The following TNS3 variants were observed in gnomAD, a reference collection of about 807,000 sequenced individuals.
TNS3 encodes the protein tensin 3, also known as tensin-3.
In TNS3, 45 loss-of-function variants were observed where a neutral mutation model predicts 140.9. The observed-to-expected ratio is 0.32, with a 90% CI of 0.25 to 0.41. The LOEUF (loss-of-function observed/expected upper bound fraction) is 0.41. TNS3 is among the 10% of genes least tolerant of loss of function. The pLI is 1.00. For missense variants in TNS3, 1,716 were observed against 1,906.7 expected, an observed-to-expected ratio of 0.90 and a Z score of 1.86; for synonymous variants, 815 against 788.4, an observed-to-expected ratio of 1.03 and a Z score of -0.56.
intron 3 of TNS3, among the ~76,000 whole-genome samples, chr7:47,498,874 C>T (rs1798111238): frequency 6.6e-6 from 1 of 152,206 alleles, no homozygotes; most frequent in South Asian, 2.1e-4. Flanking sequence ...CATAAAGCCC[C>T]GCAGATGCCG....
chr7:47,578,694 T>G (rs944292788), intron 1 of TNS3, among the ~76,000 whole-genome samples: 3 of 152,196 alleles, frequency 2.0e-5, no homozygotes, highest in Non-Finnish European at 4.4e-5. Context: ...CATCCCACAT[T>G]GCAGTGATGG....
chr7:47,563,695 C>G (rs1299289540), intron 1 of TNS3, among the ~76,000 whole-genome samples: 3 of 152,220 alleles, frequency 2.0e-5, no homozygotes, highest in Non-Finnish European at 4.4e-5. Flanking sequence ...GGCCACTGAG[C>G]AGGGAGGACA....
intron 16 of TNS3, among the ~76,000 whole-genome samples, chr7:47,385,761 A>G (rs1300248977): frequency 6.6e-6 from 1 of 152,132 alleles, no homozygotes; most frequent in South Asian, 2.1e-4. Flanking sequence ...CATAGTGCCC[A>G]TCACTCGGTG....
chr7:47,494,161 T>C, intron 3 of TNS3, among the ~76,000 whole-genome samples: 1 of 152,200 alleles, frequency 6.6e-6, no homozygotes, highest in Non-Finnish European at 1.5e-5. Context: ...CTCTGCCCAG[T>C]GTCTCAAATT....
At chr7:47,533,123 A>ATATATTTT (rs1186427934) in intron 1 of TNS3, among the ~76,000 whole-genome samples, 1 of 88,818 alleles carries the variant, frequency 1.1e-5, no homozygotes, top group African/African-American at 6.2e-5. Context: ...ATATATATAT[A>ATATATTTT]TTTTTTTTTT....
chr7:47,446,632 G>A (rs943914168), intron 4 of TNS3, among the ~76,000 whole-genome samples: 3 of 148,966 alleles, frequency 2.0e-5, no homozygotes, highest in Admixed American at 6.8e-5. Flanking sequence ...AGAATCTGTG[G>A]TTAAGGTTAA....
intron 23 of TNS3, among the ~76,000 whole-genome samples, chr7:47,300,837 C>T (rs536639829): frequency 7.9e-5 from 12 of 152,304 alleles, no homozygotes; most frequent in African/African-American, 2.4e-4. Context: ...AGCATCCGGC[C>T]GCAGAGAGGC....
chr7:47,451,729 C>T (rs1177715339), intron 4 of TNS3, among the ~76,000 whole-genome samples: 2 of 152,230 alleles, frequency 1.3e-5, no homozygotes, highest in Non-Finnish European at 2.9e-5. Flanking sequence ...GCTGAGACAC[C>T]TCTGCACATT....
chr7:47,574,434 C>T (rs10225792), intron 1 of TNS3, among the ~76,000 whole-genome samples: 46,682 of 151,708 alleles, frequency 0.31, 8,090 homozygotes, highest in East Asian at 0.54. Context: ...CCAGCCAGCA[C>T]CCTATGTCTC....
chr7:47,418,143 AT>A (rs767420869), intron 10 of TNS3, among the ~76,000 whole-genome samples: 17 of 152,198 alleles, frequency 1.1e-4, no homozygotes, highest in Non-Finnish European at 2.1e-4. Context: ...TAATTAATTA[AT>A]TTTAAAAATT....
In TNS3 at chr7:47,300,716, G is replaced by C. The variant is rs568749678; in HGVS notation, c.3544+1470C>G. Among the ~76,000 whole-genome samples, 60 of 152,348 alleles carry C rather than the reference G, an allele frequency of 3.9e-4. 1 individual carries two copies. Among genetic ancestry groups the C allele is most frequent in the African/African-American group, 1.4e-3 (58 of 41,586 alleles). ...TCTGTGCAGAATCTCTTAGGTGCTG[G>C]ATAGGCACCTCTCAGTTTGGCCAGC... On this transcript the variant is annotated intron_variant, in intron 23 of 30. Transcript: ENST00000311160.
intron 20 of TNS3, among the ~76,000 whole-genome samples, chr7:47,333,873 T>C (rs977379913): frequency 1.3e-5 from 2 of 152,322 alleles, no homozygotes; most frequent in Admixed American, 1.3e-4. Flanking sequence ...CACTAGCATA[T>C]TCATAGGCTG....
chr7:47,383,410 A>G (rs940860), intron 16 of TNS3, among the ~76,000 whole-genome samples: 114,686 of 152,146 alleles, frequency 0.75, 43,768 homozygotes, highest in Non-Finnish European at 0.82. Context: ...GGGAGTGACC[A>G]CTAATGAGTA....
At chr7:47,278,346 G>T in intron 30 of TNS3, 126 bp from the exon 31 acceptor site, 1 of 1,113,936 alleles carries the variant, frequency 9.0e-7, no homozygotes, top group Non-Finnish European at 1.3e-6. Flanking sequence ...TCAACCACGT[G>T]CCCAGCACCC....
chr7:47,519,816 CTTTTTTTTTTTTTTT>C (rs34418629), intron 2 of TNS3, among the ~76,000 whole-genome samples: 2 of 74,824 alleles, frequency 2.7e-5, no homozygotes, highest in Non-Finnish European at 4.6e-5. Context: ...CCTCACATTT[CTTTTTTTTTTTTTTT>C]TTTTTTTTTT....
intron 3 of TNS3, among the ~76,000 whole-genome samples, chr7:47,500,585 C>T (rs1449171281): frequency 6.6e-6 from 1 of 152,220 alleles, no homozygotes; most frequent in Non-Finnish European, 1.5e-5. Flanking sequence ...ATTCCTTCTG[C>T]ACAGGCTGGA....
At chr7:47,385,056 C>T (rs936582841) in intron 16 of TNS3, among the ~76,000 whole-genome samples, 1 of 152,268 alleles carries the variant, frequency 6.6e-6, no homozygotes, top group Non-Finnish European at 1.5e-5. Flanking sequence ...ACCTCGCCTG[C>T]CTTGTACAGG....
chr7:47,373,422 T>A (rs571700608), intron 16 of TNS3, among the ~76,000 whole-genome samples: 7 of 152,016 alleles, frequency 4.6e-5, no homozygotes, highest in Non-Finnish European at 8.8e-5. Flanking sequence ...CAAGTAAGAG[T>A]ACTCATAATT....
At chr7:47,378,977 G>A (rs942274845) in intron 16 of TNS3, among the ~76,000 whole-genome samples, 3 of 152,228 alleles carry the variant, frequency 2.0e-5, no homozygotes, top group Non-Finnish European at 4.4e-5. Flanking sequence ...TTTCAGTGCT[G>A]GTGAGGACAG....
Sources: gnomAD v4.1 joint callset for allele counts (sites outside exome capture counted in the v4.1 genomes callset) on GRCh38, gnomAD v4.1.1 for gene constraint, MANE v1.5 for transcripts, NCBI Gene and HGNC (gene_info 2026-07-23, HGNC 2026-07-21) for gene names.